FKRP: variants seen among roughly 807,000 people sequenced by gnomAD.
FKRP encodes ribitol 5-phosphate transferase FKRP.
In FKRP, 25 loss-of-function variants were observed where a neutral mutation model predicts 30.6. That is an observed-to-expected ratio of 0.82 (90% CI 0.60 to 1.14). The LOEUF (loss-of-function observed/expected upper bound fraction) is 1.14, where lower values mean the gene tolerates loss of function less well. Ranked by LOEUF, FKRP falls within the 50% of genes most tolerant of loss-of-function variation. FKRP has a pLI of 0.00. For missense variants in FKRP, 771 were observed against 727.8 expected (o/e 1.06, Z -0.68); for synonymous variants, 358 against 342.5 (o/e 1.05, Z -0.50).
chr19:46,755,849 G>T lies in FKRP; in HGVS notation c.399G>T (p.Ala133=), dbSNP rs1057524539. The change falls in exon 4 of 4, where the codon GCG becomes GCT. Residue 133 remains alanine, a synonymous_variant. Coordinates refer to ENST00000318584, the MANE Select transcript of FKRP (RefSeq NM_024301.5). ...TTGTGGCCCTAGTACCTGATGGGGCGCGGGCTGAGGCACCTGGCCTGCTGG... is the reference window on the plus strand; with the variant it reads ...TTGTGGCCCTAGTACCTGATGGGGCTCGGGCTGAGGCACCTGGCCTGCTGG... ...TEFVALVPDG[A]RAEAPGLLER... The T allele has an allele frequency of 6.7e-7, 1 of 1,490,296 alleles. No individual in the cohort carries two copies. The highest frequency in any genetic ancestry group is 8.9e-7 in the Non-Finnish European group (1 of 1,123,014). 92.3% of individuals were successfully genotyped at this position (1,490,296 alleles called of 1,614,324 possible).
At position 46,756,100 on chromosome 19, in the gene FKRP, C is replaced by CGG. The variant is rs1261833304; in HGVS notation, c.651_652dup (p.Val218GlyfsTer22). ...AACCTCTCGGCGCCCCTGGCCCGGCCGGTGGGCACCAGCCTCTTTCTGCAG... is the reference window on the plus strand; with the variant it reads ...AACCTCTCGGCGCCCCTGGCCCGGCCGGGGTGGGCACCAGCCTCTTTCTGCAG... On this transcript the variant is annotated frameshift_variant, in exon 4 of 4. Coordinates refer to ENST00000318584, the MANE Select transcript of FKRP (RefSeq NM_024301.5). LOFTEE classifies it high-confidence loss of function. The surrounding 1 kb of genome is among the most constrained non-coding windows in gnomAD (Gnocchi z 6.6). The CGG allele has an allele frequency of 1.2e-5, 19 of 1,533,172 alleles. No individual in the cohort carries two copies. Among genetic ancestry groups the CGG allele is most frequent in the Non-Finnish European group, 1.7e-5 (19 of 1,149,612 alleles). The allele number at this position is 1,533,172 out of a possible 1,614,324, so 95.0% of individuals were successfully genotyped here.
Position 46,755,475 on chromosome 19 carries a change from G to T in FKRP, c.25G>T (p.Ala9Ser). The change falls in exon 4 of 4, where the codon GCC (alanine) becomes TCC (serine). Residue 9 changes from alanine to serine, a missense_variant. Physicochemically the swap from Ala to Ser is moderately conservative, Grantham distance 99. Transcript: ENST00000318584. ...CATGCGGCTCACCCGCTGCCAGGCTGCCCTGGCGGCCGCCATCACCCTCAA... is the reference window on the plus strand; with the variant it reads ...CATGCGGCTCACCCGCTGCCAGGCTTCCCTGGCGGCCGCCATCACCCTCAA... MRLTRCQAALAAAITLNLL... is the reference protein window; with the variant it reads MRLTRCQASLAAAITLNLL... The T allele has an allele frequency of 6.2e-7, 1 of 1,608,632 alleles. No homozygotes were observed.
Position 46,755,971 on chromosome 19 carries a change from G to A in FKRP, c.521G>A (p.Ser174Asn), listed in dbSNP as rs1434750492. The stretch of plus-strand genomic sequence containing the variant: ...GCCAGGTGCCTGGCCCTGAACGTCA[G>A]CCTGCGAGAGTGGACCGCCCGCTAT... ...NPARCLALNVSLREWTARYGA... is the reference protein window; with the variant it reads ...NPARCLALNVNLREWTARYGA... The change falls in exon 4 of 4, where the codon AGC becomes AAC. Residue 174 changes from serine (S) to asparagine (N), a missense_variant. Physicochemically the swap from Ser to Asn is conservative, Grantham distance 46. Coordinates refer to ENST00000318584, the MANE Select transcript of FKRP (RefSeq NM_024301.5). The A allele has an allele frequency of 6.5e-7, 1 of 1,539,926 alleles. No individual in the cohort carries two copies.
In FKRP at chr19:46,758,575, G is replaced by A. The variant is rs537370420; in HGVS notation, c.*1637G>A. The A allele has an allele frequency of 3.7e-5, 6 of 163,732 alleles. No individual in the cohort carries two copies. The highest frequency in any genetic ancestry group is 4.2e-4 in the South Asian group (2 of 4,730). 10.1% of individuals were successfully genotyped at this position (163,732 alleles called of 1,614,324 possible). A position where few individuals can be genotyped will look rare whatever the true frequency, so the allele number is the denominator to read the frequency against. On this transcript the variant is annotated 3_prime_UTR_variant, in exon 4 of 4. Coordinates refer to ENST00000318584, the MANE Select transcript of FKRP (RefSeq NM_024301.5). The stretch of plus-strand genomic sequence containing the variant: ...GTGAGCACCCAGCATTCAAGACCAC[G>A]GGTTAAAAAAAAAAAAAAAAAGCTG...
intron 1 of FKRP, chr19:46,746,380 G>A: frequency 8.9e-7 from 1 of 1,119,868 alleles, no homozygotes; most frequent in South Asian, 4.3e-5. Flanking sequence ...CGAGCGGACG[G>A]CAGGAGGAGG....
rs995093352 is a variant in FKRP, at chr19:46,746,070, T to TGGCGGCGGC, written c.-266_-258dup. On this transcript the variant is annotated 5_prime_UTR_variant, in exon 1 of 4. Transcript: ENST00000318584. ...CGTCCCGGCGGCCATTGCTCCAAGA[T>TGGCGGCGGC]GGCGGCGGCGGCGGCAGCGGGTGAG... is the stretch of plus-strand genomic sequence containing the variant. 47 of 1,216,554 alleles carry TGGCGGCGGC rather than the reference T, an allele frequency of 3.9e-5. No homozygotes were observed. The East Asian group carries it at 1.0e-3, about 26-fold the overall frequency. 75.4% of individuals were successfully genotyped at this position (1,216,554 alleles called of 1,614,324 possible). A position where few individuals can be genotyped will look rare whatever the true frequency, so the allele number is the denominator to read the frequency against.
Position 46,757,151 on chromosome 19 carries a change from T to G in FKRP, c.*213T>G. On this transcript the variant is annotated 3_prime_UTR_variant, in exon 4 of 4. Transcript: ENST00000318584. Reference sequence around the variant, plus strand: ...AGCGACCTCCAGATTTATCAAATGGTCATGCCCACTGGGAGCCGTGGATAT... The same window carrying G: ...AGCGACCTCCAGATTTATCAAATGGGCATGCCCACTGGGAGCCGTGGATAT... The G allele has an allele frequency of 1.5e-6, 1 of 670,344 alleles. No individual in the cohort carries two copies. Among genetic ancestry groups the G allele is most frequent in the Middle Eastern group, 4.2e-4 (1 of 2,394 alleles). The allele number at this position is 670,344 out of a possible 1,614,324, so 41.5% of individuals were successfully genotyped here.
intron 1 of FKRP, chr19:46,747,408 T>TG (rs1035729149): frequency 2.0e-5 from 3 of 150,360 alleles, no homozygotes; most frequent in Non-Finnish European, 1.5e-5. Context: ...TTTTTTTTTT[T>TG]TTGAGACAGA....
chr19:46,747,832 G>C (rs1322332867), intron 1 of FKRP, 195 bp from the exon 2 acceptor site: 1 of 152,188 alleles, frequency 6.6e-6, no homozygotes, highest in Non-Finnish European at 1.5e-5. Flanking sequence ...ATGGTTATAG[G>C]TTGCTATAAT....
In FKRP at chr19:46,755,822, G is replaced by C; in HGVS notation, c.372G>C (p.Glu124Asp). 2 of 1,510,764 alleles carry C rather than the reference G, an allele frequency of 1.3e-6. No individual in the cohort carries two copies. The highest frequency in any genetic ancestry group is 8.8e-7 in the Non-Finnish European group (1 of 1,132,250). 93.6% of individuals were successfully genotyped at this position (1,510,764 alleles called of 1,614,324 possible). A position where few individuals can be genotyped will look rare whatever the true frequency, so the allele number is the denominator to read the frequency against. The change falls in exon 4 of 4, where the codon GAG becomes GAC. Residue 124 changes from glutamate (E) to aspartate (D), a missense_variant. Transcript: ENST00000318584. ...GCCCGGAGACCTACGTGGCCACCGA[G>C]TTTGTGGCCCTAGTACCTGATGGGG... ...ASRPETYVAT[E>D]FVALVPDGAR...
intron 3 of FKRP, among the ~76,000 whole-genome samples, chr19:46,751,866 C>T (rs1241103783): frequency 6.6e-6 from 1 of 152,138 alleles, no homozygotes; most frequent in African/African-American, 2.4e-5. Flanking sequence ...CATGCCCAGC[C>T]CACCAAGATG....
chr19:46,757,031 A>G lies in FKRP; in HGVS notation c.*93A>G. 2 of 1,506,450 alleles carry G rather than the reference A, an allele frequency of 1.3e-6. No homozygotes were observed. The highest frequency in any genetic ancestry group is 2.7e-5 in the African/African-American group (2 of 72,808). 93.3% of individuals were successfully genotyped at this position (1,506,450 alleles called of 1,614,324 possible). ...TGAGGGGTGGAGGGATGTCGCGGAGAGGGGAAGGGGGAAACTGACCAAGAA... is the reference window on the plus strand; with the variant it reads ...TGAGGGGTGGAGGGATGTCGCGGAGGGGGGAAGGGGGAAACTGACCAAGAA... On this transcript the variant is annotated 3_prime_UTR_variant, in exon 4 of 4. Coordinates refer to ENST00000318584, the MANE Select transcript of FKRP (RefSeq NM_024301.5).
intron 1 of FKRP, chr19:46,747,761 A>G (rs898548307): frequency 1.3e-5 from 2 of 152,146 alleles, no homozygotes; most frequent in African/African-American, 2.4e-5. Context: ...AGGGGTTGTC[A>G]TGGTAACAGC....
chr19:46,746,729 C>T (rs2054644718), intron 1 of FKRP: 1 of 152,274 alleles, frequency 6.6e-6, no homozygotes, highest in Admixed American at 6.5e-5. Flanking sequence ...TTTCTGCCCC[C>T]CTCCTCCCAC....
At position 46,752,272 on chromosome 19, in the gene FKRP, T is replaced by C. The variant is rs150093221; in HGVS notation, c.-39-3140T>C. Among the ~76,000 whole-genome samples, 501 of 152,250 alleles carry C rather than the reference T, an allele frequency of 3.3e-3. 4 individuals carry two copies. Among genetic ancestry groups the C allele is most frequent in the African/African-American group, 0.011 (465 of 41,538 alleles). ...CACAGGAACAGAAGCGGGAAGACAG[T>C]CTCTTGCTGTGACCTTCAAGGATAT... is the stretch of plus-strand genomic sequence containing the variant. On this transcript the variant is annotated intron_variant, in intron 3 of 3. Transcript: ENST00000318584.
At chr19:46,754,899 C>T (rs965021530) in intron 3 of FKRP, among the ~76,000 whole-genome samples, 1 of 152,150 alleles carries the variant, frequency 6.6e-6, no homozygotes, top group African/African-American at 2.4e-5. Flanking sequence ...AGCCACCGCG[C>T]CCAGCCTAAC....
At chr19:46,745,422 G>A (rs537631496), upstream of FKRP, among the ~76,000 whole-genome samples, 5 of 152,216 alleles carry the variant, frequency 3.3e-5, no homozygotes, top group Non-Finnish European at 5.9e-5. Context: ...CAGAGGGGAA[G>A]GCACACACCT....
At position 46,756,412 on chromosome 19, in the gene FKRP, C is replaced by A. The variant is rs745882222; in HGVS notation, c.962C>A (p.Ala321Glu). The change falls in exon 4 of 4, where the codon GCG becomes GAG. Residue 321 changes from alanine (A) to glutamate (E), a missense_variant. Coordinates refer to ENST00000318584, the MANE Select transcript of FKRP (RefSeq NM_024301.5). The surrounding 1 kb of genome is among the most constrained non-coding windows in gnomAD (Gnocchi z 6.6). ...TGGACGCCCCCCTGCTGCCTGCGCG[C>A]GCTGCGCGAGACCGCCCGCTATGTG... The part of the protein sequence containing the change: ...ERWTPPCCLR[A>E]LRETARYVVG... 1.1e-5 allele frequency: 17 copies of A among 1,575,130 alleles called. No individual in the cohort carries two copies.
chr19:46,755,711 C>A lies in FKRP; in HGVS notation c.261C>A (p.Pro87=). The change falls in exon 4 of 4, where the codon CCC becomes CCA. Residue 87 remains proline (P), a synonymous_variant. Coordinates refer to ENST00000318584, the MANE Select transcript of FKRP (RefSeq NM_024301.5). Reference sequence around the variant, plus strand: ...TGGTGGTGGCAGCCGACACGCTCCCCTACCCGCCCCTGGCCCTGCCCCGCA... The same window carrying A: ...TGGTGGTGGCAGCCGACACGCTCCCATACCCGCCCCTGGCCCTGCCCCGCA... ...QPVVVAADTL[P]YPPLALPRIP... is the part of the protein sequence containing the mutation. The A allele has an allele frequency of 6.3e-7, 1 of 1,574,848 alleles. No individual in the cohort carries two copies. The highest frequency in any genetic ancestry group is 8.6e-7 in the Non-Finnish European group (1 of 1,166,908).
Sources: allele counts gnomAD v4.1 joint callset (sites outside exome capture counted in the v4.1 genomes callset), GRCh38; gene constraint gnomAD v4.1.1; non-coding constraint Gnocchi (gnomAD v3.1); transcripts MANE v1.5; gene names NCBI Gene and HGNC (gene_info 2026-07-23, HGNC 2026-07-21).